ATG2A: variants seen among roughly 807,000 people sequenced by gnomAD.
The protein encoded by ATG2A is autophagy-related protein 2 homolog A.
ATG2A carries 103 observed loss-of-function variants against 214.2 expected under a neutral mutation model. The ratio of observed to expected loss-of-function variants is 0.48; its 90% CI spans 0.41 to 0.57. The LOEUF (loss-of-function observed/expected upper bound fraction) is 0.57. ATG2A is among the 20% of genes least tolerant of loss of function. ATG2A has a pLI of 0.00. For synonymous variants in ATG2A, 1,160 were observed against 1,142.1 expected, an observed-to-expected ratio of 1.02 and a Z score of -0.32; for missense variants, 2,312 against 2,613.2, an observed-to-expected ratio of 0.88 and a Z score of 2.51.
intron 24 of ATG2A, 63 bp downstream of exon 24, chr11:64,905,500 C>G: frequency 1.3e-6 from 2 of 1,485,284 alleles, no homozygotes. Context: ...AGAGGACACA[C>G]AGCTGGCAGG....
rs753846895 is a variant in ATG2A, at chr11:64,909,096, C to T, written c.2259G>A (p.Pro753=). The T allele has an allele frequency of 2.9e-5, 47 of 1,612,896 alleles. No individual in the cohort carries two copies. The highest frequency in any genetic ancestry group is 3.6e-5 in the Non-Finnish European group (42 of 1,179,854). Residue 753 remains proline, a synonymous_variant, in exon 16 of 41, where the codon CCG becomes CCA. Coordinates refer to ENST00000377264, the MANE Select transcript of ATG2A (RefSeq NM_015104.3). ...QSSSTQWEVA[P]EKGEELELSV... ...ACAGCTCCAGTTCCTCTCCCTTCTC[C>T]GGGGCCACCTCCCACTGTGTGCTGC... is the stretch of plus-strand genomic sequence containing the variant.
intron 16 of ATG2A, among the ~76,000 whole-genome samples, chr11:64,908,161 T>C (rs953210004): frequency 6.6e-6 from 1 of 152,344 alleles, no homozygotes; most frequent in Admixed American, 6.5e-5. Flanking sequence ...CTCACGCCTG[T>C]AATCCTAGCA....
rs767559032 is a variant in ATG2A at position 64,909,844 on chromosome 11, G to A, written c.1944C>T (p.Pro648=). 60 of 1,610,012 alleles carry A rather than the reference G, an allele frequency of 3.7e-5. No individual in the cohort carries two copies. In the East Asian group the frequency reaches 1.3e-3, roughly 36 times the overall value. ...CCGGCTCAGGCCGCAGGTCGGCAAT[G>A]GGGAAGCGCAGCCGCAGCGTGGCCC... ...APRATLRLRF[P]IADLRPEPDP... Residue 648 remains proline, a synonymous_variant, in exon 14 of 41, where the codon CCC becomes CCT. Transcript: ENST00000377264.
intron 35 of ATG2A, 37 bp from the exon 36 acceptor site, chr11:64,897,780 A>G: frequency 9.9e-6 from 16 of 1,614,092 alleles, no homozygotes; most frequent in Non-Finnish European, 1.4e-5. Context: ...TTCTTTGCTC[A>G]CTGGCCTGGC....
rs1024896805 is a variant in ATG2A, at chr11:64,900,777, C to T, written c.4328+107G>A. 2.8e-6 allele frequency: 4 copies of T among 1,441,972 alleles called. No individual in the cohort carries two copies. The South Asian group carries it at 5.7e-5, about 20-fold the overall frequency. 89.3% of individuals were successfully genotyped at this position (1,441,972 alleles called of 1,614,324 possible). A position where few individuals can be genotyped will look rare whatever the true frequency, so the allele number is the denominator to read the frequency against. On this transcript the variant is annotated intron_variant, in intron 30 of 40. Coordinates refer to ENST00000377264, the MANE Select transcript of ATG2A (RefSeq NM_015104.3). Reference sequence around the variant, plus strand: ...TAAGGAAGGATGAGGAAACTGAGGCCCACCTGGGGTGGATGGGGCTCAAGG... The same window carrying T: ...TAAGGAAGGATGAGGAAACTGAGGCTCACCTGGGGTGGATGGGGCTCAAGG...
Position 64,894,645 on chromosome 11 carries a change from C to T in ATG2A, c.*328G>A. On this transcript the variant is annotated 3_prime_UTR_variant, in exon 41 of 41. Coordinates refer to ENST00000377264, the MANE Select transcript of ATG2A (RefSeq NM_015104.3). Reference sequence around the variant, plus strand: ...AACCACACGGATATCATCCCCTCCTCCCCCCAGACACAGAAAGACACTTGG... The same window carrying T: ...AACCACACGGATATCATCCCCTCCTTCCCCCAGACACAGAAAGACACTTGG... The T allele has an allele frequency of 3.2e-6, 2 of 626,564 alleles. No homozygotes were observed. The highest frequency in any genetic ancestry group is 1.5e-5 in the South Asian group (1 of 66,086). 38.8% of individuals were successfully genotyped at this position (626,564 alleles called of 1,614,324 possible).
intron 6 of ATG2A, 47 bp from the exon 7 acceptor site, chr11:64,912,470 T>A (rs1944813410): frequency 1.3e-6 from 2 of 1,486,864 alleles, no homozygotes. Context: ...ACCACCCAGC[T>A]CCTCTAAGAG....
rs1468500136 is a variant in ATG2A, at chr11:64,898,914, C to T, written c.4465-72G>A. On this transcript the variant is annotated intron_variant, in intron 31 of 40. Transcript: ENST00000377264. The surrounding 1 kb of genome is among the most constrained non-coding windows in gnomAD (Gnocchi z 4.5). ...GGAGGGAAGGGCTGGCCCCAGACCCCTTCTCTATTCTTTTTTTGAGACAGA... is the reference window on the plus strand; with the variant it reads ...GGAGGGAAGGGCTGGCCCCAGACCCTTTCTCTATTCTTTTTTTGAGACAGA... 1.4e-6 allele frequency: 2 copies of T among 1,405,218 alleles called. No homozygotes were observed. Among genetic ancestry groups the T allele is most frequent in the Admixed American group, 2.0e-5 (1 of 49,494 alleles). 87.0% of individuals were successfully genotyped at this position (1,405,218 alleles called of 1,614,324 possible). A position where few individuals can be genotyped will look rare whatever the true frequency, so the allele number is the denominator to read the frequency against.
In ATG2A at chr11:64,903,145, G is replaced by T; in HGVS notation, c.3612+143C>A. 1 of 728,932 alleles carries T rather than the reference G, an allele frequency of 1.4e-6. No individual in the cohort carries two copies. The highest frequency in any genetic ancestry group is 2.3e-6 in the Non-Finnish European group (1 of 429,122). The allele number at this position is 728,932 out of a possible 1,614,324, so 45.2% of individuals were successfully genotyped here. ...AGGGCTGTACTATGGCCCTTTGCAGGAGGGGCGCTAACTGCAGCCCAGGAA... is the reference window on the plus strand; with the variant it reads ...AGGGCTGTACTATGGCCCTTTGCAGTAGGGGCGCTAACTGCAGCCCAGGAA... On this transcript the variant is annotated intron_variant, in intron 26 of 40. Transcript: ENST00000377264. The surrounding 1 kb of genome is among the most constrained non-coding windows in gnomAD (Gnocchi z 4.2).
chr11:64,911,798 A>G lies in ATG2A; in HGVS notation c.1228+44T>C, dbSNP rs367665897. The G allele has an allele frequency of 8.9e-5, 143 of 1,609,644 alleles. 2 individuals carry two copies. In the East Asian group the frequency reaches 1.4e-3, roughly 16 times the overall value. ...AGCCCACGGCACTAAGGCCTCTTCC[A>G]GTCCTTCCTGTCCCTGGAGTACCCC... On this transcript the variant is annotated intron_variant, in intron 9 of 40. Transcript: ENST00000377264.
intron 6 of ATG2A, chr11:64,912,806 T>C: frequency 4.1e-6 from 2 of 489,292 alleles, no homozygotes; most frequent in Non-Finnish European, 7.2e-6. Context: ...TTGGCCAGGC[T>C]GGTCTCGAAC....
chr11:64,897,197 T>C, intron 37 of ATG2A: 1 of 635,236 alleles, frequency 1.6e-6, no homozygotes, highest in Non-Finnish European at 2.7e-6. Flanking sequence ...TTTGTATTTT[T>C]AGTAGAGACG....
intron 9 of ATG2A, 22 bp downstream of exon 9, chr11:64,911,820 C>T: frequency 1.9e-6 from 3 of 1,611,818 alleles, no homozygotes; most frequent in Non-Finnish European, 2.5e-6. Flanking sequence ...CCCTGGAGTA[C>T]CCCCAGGGTG....
At chr11:64,910,769 C>G (rs1268183030) in intron 11 of ATG2A, 38 bp downstream of exon 11, 2 of 1,610,632 alleles carry the variant, frequency 1.2e-6, no homozygotes, top group Non-Finnish European at 1.7e-6. Flanking sequence ...CCCAAACCTC[C>G]AGACCCCGCC....
chr11:64,907,667 G>T lies in ATG2A; in HGVS notation c.2508-3C>A. 1 of 1,601,550 alleles carries T rather than the reference G, an allele frequency of 6.2e-7. No individual in the cohort carries two copies. The highest frequency in any genetic ancestry group is 8.5e-7 in the Non-Finnish European group (1 of 1,173,602). On this transcript the variant is annotated splice_polypyrimidine_tract_variant and splice_region_variant and intron_variant, in intron 17 of 40. Transcript: ENST00000377264. ...ACATGAGCAGGTCGTTGTTGATCCT[G>T]AGATAGGCGGGTGGACAGCAGGTAA...
chr11:64,907,670 A>G lies in ATG2A; in HGVS notation c.2508-6T>C. The G allele has an allele frequency of 6.3e-7, 1 of 1,595,718 alleles. No homozygotes were observed. Among genetic ancestry groups the G allele is most frequent in the Non-Finnish European group, 8.5e-7 (1 of 1,170,340 alleles). On this transcript the variant is annotated splice_polypyrimidine_tract_variant and splice_region_variant and intron_variant, in intron 17 of 40. Transcript: ENST00000377264. Reference sequence around the variant, plus strand: ...TGAGCAGGTCGTTGTTGATCCTGAGATAGGCGGGTGGACAGCAGGTAAGGG... The same window carrying G: ...TGAGCAGGTCGTTGTTGATCCTGAGGTAGGCGGGTGGACAGCAGGTAAGGG...
At position 64,903,538 on chromosome 11, in the gene ATG2A, C is replaced by T; in HGVS notation, c.3535+52G>A. The T allele has an allele frequency of 6.6e-7, 1 of 1,512,170 alleles. No individual in the cohort carries two copies. The highest frequency in any genetic ancestry group is 2.2e-4 in the Middle Eastern group (1 of 4,464). 93.7% of individuals were successfully genotyped at this position (1,512,170 alleles called of 1,614,324 possible). A position where few individuals can be genotyped will look rare whatever the true frequency, so the allele number is the denominator to read the frequency against. On this transcript the variant is annotated intron_variant, in intron 25 of 40. Coordinates refer to ENST00000377264, the MANE Select transcript of ATG2A (RefSeq NM_015104.3). This position sits in a 1 kb window ranked among gnomAD's most constrained non-coding sequence, Gnocchi z 4.2. ...AGACACCTGGCTGCTCTGGGTGTGG[C>T]CGGGGCGGTGGTCCCTCAGAGGGGA...
In ATG2A at chr11:64,911,151, G is replaced by A. The variant is rs747992582; in HGVS notation, c.1353C>T (p.Leu451=). The A allele has an allele frequency of 6.2e-6, 10 of 1,614,036 alleles. No homozygotes were observed. The highest frequency in any genetic ancestry group is 1.6e-4 in the Middle Eastern group (1 of 6,084). ...CAAACTCGGTGAAAAAGTGCGTGGCGAGGTCAGGTGGTCCGGAAGATGGGG... is the reference window on the plus strand; with the variant it reads ...CAAACTCGGTGAAAAAGTGCGTGGCAAGGTCAGGTGGTCCGGAAGATGGGG... The part of the protein sequence containing the change: ...TSAPSSGPPD[L]ATHFFTEFDA... Residue 451 remains leucine, a synonymous_variant, in exon 10 of 41, where the codon CTC becomes CTT. Transcript: ENST00000377264.
At chr11:64,911,725 G>C in intron 9 of ATG2A, 117 bp downstream of exon 9, 1 of 1,417,958 alleles carries the variant, frequency 7.1e-7, no homozygotes, top group African/African-American at 1.4e-5. Context: ...CCAAGTCACA[G>C]ATGGTAGATA....
Sources: gnomAD v4.1 joint callset for allele counts (sites outside exome capture counted in the v4.1 genomes callset) on GRCh38, gnomAD v4.1.1 for gene constraint, Gnocchi (gnomAD v3.1) non-coding constraint, MANE v1.5 for transcripts, NCBI Gene and HGNC (gene_info 2026-07-23, HGNC 2026-07-21) for gene names.